SLC25A24: variants seen among roughly 807,000 people sequenced by gnomAD.
SLC25A24 encodes the protein solute carrier family 25 member 24, also known as mitochondrial adenyl nucleotide antiporter SLC25A24.
In SLC25A24, 49 loss-of-function variants were observed where a neutral mutation model predicts 60.7. The observed-to-expected ratio is 0.81, with a 90% CI of 0.64 to 1.02. The LOEUF (loss-of-function observed/expected upper bound fraction) is 1.02, where lower values mean the gene tolerates loss of function less well. Ranked by LOEUF, SLC25A24 falls within the 50% of genes least tolerant of loss-of-function variation. The pLI, the probability that SLC25A24 is intolerant of heterozygous loss-of-function variation, is 0.00. For synonymous variants in SLC25A24, 202 were observed against 200.6 expected, an observed-to-expected ratio of 1.01 and a Z score of -0.06; for missense variants, 564 against 586.3, an observed-to-expected ratio of 0.96 and a Z score of 0.39.
At chr1:108,187,077 CA>C (rs3043344) in intron 1 of SLC25A24, among the ~76,000 whole-genome samples, 65 of 139,654 alleles carry the variant, frequency 4.7e-4, no homozygotes, top group Non-Finnish European at 5.0e-4. Flanking sequence ...AACTCTATCT[CA>C]AAAAAAAAAA....
Position 108,166,200 on chromosome 1 carries a change from G to A in SLC25A24, c.399-4907C>T, listed in dbSNP as rs556303761. Among the ~76,000 whole-genome samples the A allele has an allele frequency of 1.3e-3, 197 of 152,292 alleles. 1 individual carries two copies. Among genetic ancestry groups the A allele is most frequent in the African/African-American group, 4.5e-3 (185 of 41,556 alleles). On this transcript the variant is annotated intron_variant, in intron 3 of 9. Coordinates refer to ENST00000565488, the MANE Select transcript of SLC25A24 (RefSeq NM_013386.5). Reference sequence around the variant, plus strand: ...ATGGGCTTCCATTTGAGGGTAACCCGACCTTTCTCTCTGGCTGCCCTTAAC... The same window carrying A: ...ATGGGCTTCCATTTGAGGGTAACCCAACCTTTCTCTCTGGCTGCCCTTAAC...
rs1245597842 is a variant in SLC25A24 at position 108,135,238 on chromosome 1, A to G, written c.*1415T>C. On this transcript the variant is annotated 3_prime_UTR_variant, in exon 10 of 10. Coordinates refer to ENST00000565488, the MANE Select transcript of SLC25A24 (RefSeq NM_013386.5). The stretch of plus-strand genomic sequence containing the variant: ...CTAATATAAATGAAACTACATTTTT[A>G]AAAATGTTTCACAAACACCAGTCCA... The G allele has an allele frequency of 6.6e-6, 1 of 152,588 alleles. No individual in the cohort carries two copies. The highest frequency in any genetic ancestry group is 1.5e-5 in the Non-Finnish European group (1 of 67,994). The allele number at this position is 152,588 out of a possible 1,614,324, so 9.5% of individuals were successfully genotyped here. A position where few individuals can be genotyped will look rare whatever the true frequency, so the allele number is the denominator to read the frequency against.
intron 1 of SLC25A24, among the ~76,000 whole-genome samples, chr1:108,186,367 A>G (rs952331671): frequency 2.0e-5 from 3 of 152,034 alleles, no homozygotes; most frequent in African/African-American, 7.2e-5. Context: ...ACCAGACTGG[A>G]CAACATAGTG....
chr1:108,137,853 G>C (rs1296917814), intron 9 of SLC25A24, among the ~76,000 whole-genome samples: 1 of 152,224 alleles, frequency 6.6e-6, no homozygotes, highest in Admixed American at 6.5e-5. Flanking sequence ...AGATGGTTAT[G>C]ATGGTGAAAT....
intron 3 of SLC25A24, among the ~76,000 whole-genome samples, chr1:108,172,413 T>C (rs1647495309): frequency 6.6e-6 from 1 of 152,220 alleles, no homozygotes; most frequent in Admixed American, 6.5e-5. Flanking sequence ...TGTACAAGCA[T>C]GGCACCAACA....
At position 108,139,061 on chromosome 1, in the gene SLC25A24, G is replaced by A. The variant is rs780940373; in HGVS notation, c.1246C>T (p.Gln416Ter). The A allele has an allele frequency of 4.4e-6, 7 of 1,583,780 alleles. No individual in the cohort carries two copies. The highest frequency in any genetic ancestry group is 6.0e-6 in the Non-Finnish European group (7 of 1,166,520). Residue 416 changes from glutamine (Q) to a stop codon, truncating the protein, a stop_gained, in exon 9 of 10, where the codon CAA (glutamine) becomes TAA (stop). Coordinates refer to ENST00000565488, the MANE Select transcript of SLC25A24 (RefSeq NM_013386.5). LOFTEE classifies it high-confidence loss of function. ...LALVRTRMQA[Q>*]AMLEGSPQLN... ...GGTTCTGTAATCAAAAATTCACCTT[G>A]AGCCTGCATGCGAGTTCTCACCAAA...
intron 1 of SLC25A24, among the ~76,000 whole-genome samples, chr1:108,196,782 T>C (rs1648508469): frequency 1.3e-5 from 2 of 151,752 alleles, no homozygotes; most frequent in Admixed American, 1.3e-4. Context: ...ATACAAGCAC[T>C]AATCCCATTC....
At chr1:108,169,229 A>G (rs557516580) in intron 3 of SLC25A24, among the ~76,000 whole-genome samples, 1 of 152,326 alleles carries the variant, frequency 6.6e-6, no homozygotes, top group Admixed American at 6.5e-5. Context: ...AACCCTTGGT[A>G]TCTGATAGGG....
chr1:108,144,398 T>C (rs1203085787), intron 7 of SLC25A24, among the ~76,000 whole-genome samples: 1 of 152,152 alleles, frequency 6.6e-6, no homozygotes, highest in Admixed American at 6.6e-5. Flanking sequence ...TAGGTCTCGG[T>C]TGTATATTAC....
intron 1 of SLC25A24, among the ~76,000 whole-genome samples, chr1:108,187,566 C>CGTTTTTGTA (rs1232770354): frequency 6.6e-6 from 1 of 152,066 alleles, no homozygotes; most frequent in East Asian, 1.9e-4. Context: ...ACAAAAACAA[C>CGTTTTTGTA]TTATTAAAAA....
rs138852079 is a variant in SLC25A24 at position 108,173,302 on chromosome 1, C to A, written c.398+8639G>T. Among the ~76,000 whole-genome samples, 29 of 152,262 alleles carry A rather than the reference C, an allele frequency of 1.9e-4. No homozygotes were observed. The East Asian group carries it at 5.6e-3, about 29-fold the overall frequency. ...ATTATGGGGGGTGGTCAACCCCATG[C>A]TGCTGTTCTCATGATAGTGAGTGAG... On this transcript the variant is annotated intron_variant, in intron 3 of 9. Transcript: ENST00000565488.
At chr1:108,186,261 A>G (rs902156717) in intron 1 of SLC25A24, among the ~76,000 whole-genome samples, 1 of 152,240 alleles carries the variant, frequency 6.6e-6, no homozygotes, top group Non-Finnish European at 1.5e-5. Flanking sequence ...ATAAACCCCA[A>G]GATAGAAGAC....
intron 7 of SLC25A24, among the ~76,000 whole-genome samples, chr1:108,146,346 T>A (rs992971050): frequency 6.6e-6 from 1 of 152,238 alleles, no homozygotes; most frequent in African/African-American, 2.4e-5. Context: ...AAATATACAA[T>A]CATGTCAACT....
intron 3 of SLC25A24, among the ~76,000 whole-genome samples, chr1:108,177,831 T>G (rs1339164891): frequency 6.6e-6 from 1 of 152,176 alleles, no homozygotes; most frequent in Non-Finnish European, 1.5e-5. Context: ...TTGTTTTTTA[T>G]AAATATATAT....
intron 3 of SLC25A24, among the ~76,000 whole-genome samples, chr1:108,165,162 T>A (rs1255890025): frequency 6.6e-6 from 1 of 151,858 alleles, no homozygotes. Context: ...GAGAGATAGT[T>A]TGCTATAATT....
intron 3 of SLC25A24, 27 bp from the exon 4 acceptor site, chr1:108,161,320 T>A: frequency 8.7e-7 from 1 of 1,152,964 alleles, no homozygotes; most frequent in Non-Finnish European, 1.3e-6. Flanking sequence ...ATGATCAAAG[T>A]ACAAAACTAA....
chr1:108,158,806 C>T (rs1437989299), intron 4 of SLC25A24, among the ~76,000 whole-genome samples: 6 of 151,768 alleles, frequency 4.0e-5, no homozygotes, highest in African/African-American at 1.5e-4. Context: ...TCGAGACCAT[C>T]CTGGCTAACA....
chr1:108,160,357 G>A (rs1378487182), intron 4 of SLC25A24, among the ~76,000 whole-genome samples: 1 of 151,364 alleles, frequency 6.6e-6, no homozygotes, highest in African/African-American at 2.4e-5. Context: ...TCCAGACTGG[G>A]CAGCCAGGCA....
chr1:108,171,475 C>A (rs912122504), intron 3 of SLC25A24, among the ~76,000 whole-genome samples: 10 of 152,170 alleles, frequency 6.6e-5, no homozygotes, highest in Non-Finnish European at 2.9e-5. Flanking sequence ...CCACTATGGT[C>A]TAGAGAGTAC....
Sources: allele counts gnomAD v4.1 joint callset (sites outside exome capture counted in the v4.1 genomes callset), GRCh38; gene constraint gnomAD v4.1.1; transcripts MANE v1.5; gene names NCBI Gene and HGNC (gene_info 2026-07-23, HGNC 2026-07-21).